The following ZFAT variants were observed in gnomAD, a reference collection of about 807,000 sequenced individuals.
The protein encoded by ZFAT is zinc finger and AT-hook domain containing, also known as zinc finger protein ZFAT.
In ZFAT, 64 loss-of-function variants were observed where a neutral mutation model predicts 117.7. That is an observed-to-expected ratio of 0.54 (90% CI 0.44 to 0.67). ZFAT has a LOEUF of 0.67. Among genes scored for constraint, ZFAT ranks in the 30% least tolerant of loss-of-function variants. The pLI is 0.00. For synonymous variants in ZFAT, 679 were observed against 615.0 expected (o/e 1.10, Z -1.54); for missense variants, 1,433 against 1,584.5 (o/e 0.90, Z 1.62).
At chr8:134,519,771 A>C (rs1820514631) in intron 13 of ZFAT, among the ~76,000 whole-genome samples, 1 of 152,182 alleles carries the variant, frequency 6.6e-6, no homozygotes, top group Non-Finnish European at 1.5e-5. Flanking sequence ...ACTTCTGTGG[A>C]AACACTCTAG....
upstream of ZFAT, among the ~76,000 whole-genome samples, chr8:134,713,382 C>T (rs1814112881): frequency 1.3e-5 from 2 of 152,244 alleles, no homozygotes; most frequent in African/African-American, 4.8e-5. Context: ...CTACCTCTCA[C>T]TACCTAACTT....
At chr8:134,613,183 T>C (rs774301938) in intron 3 of ZFAT, among the ~76,000 whole-genome samples, 2 of 152,194 alleles carry the variant, frequency 1.3e-5, no homozygotes, top group Non-Finnish European at 2.9e-5. Flanking sequence ...GTGGGTGATA[T>C]GCCAGGAACA....
intron 11 of ZFAT, among the ~76,000 whole-genome samples, chr8:134,550,038 T>C (rs1823011340): frequency 6.6e-6 from 1 of 152,148 alleles, no homozygotes; most frequent in South Asian, 2.1e-4. Flanking sequence ...AAAGTAATGT[T>C]GATGTTTACG....
the ZFAT span, among the ~76,000 whole-genome samples, chr8:134,727,266 A>G: frequency 6.6e-6 from 1 of 152,212 alleles, no homozygotes; most frequent in Non-Finnish European, 1.5e-5. Flanking sequence ...AACCTGAGTG[A>G]TAAGAAGGAG....
the ZFAT span, among the ~76,000 whole-genome samples, chr8:134,749,780 A>G: frequency 0.35 from 53,858 of 152,126 alleles, 9,823 homozygotes; most frequent in Admixed American, 0.44. Flanking sequence ...GATCAAGCCC[A>G]TGTATGTGAA....
intron 13 of ZFAT, among the ~76,000 whole-genome samples, chr8:134,519,874 T>G (rs1444549632): frequency 1.3e-5 from 2 of 152,220 alleles, no homozygotes; most frequent in Non-Finnish European, 2.9e-5. Context: ...TTTACTCTTT[T>G]TCATCAGTGA....
At chr8:134,716,221 ATATC>A (rs1563783938), upstream of ZFAT, among the ~76,000 whole-genome samples, 2 of 151,966 alleles carry the variant, frequency 1.3e-5, no homozygotes, top group African/African-American at 2.4e-5. Context: ...ACACACATAT[ATATC>A]TATAAAATGA....
intron 10 of ZFAT, among the ~76,000 whole-genome samples, chr8:134,566,497 C>T (rs1824480847): frequency 6.6e-6 from 1 of 151,902 alleles, no homozygotes; most frequent in Admixed American, 6.6e-5. Flanking sequence ...TACATTTTGC[C>T]TCTGATTAGC....
At chr8:134,582,547 T>G (rs1393862377) in intron 10 of ZFAT, among the ~76,000 whole-genome samples, 1 of 152,284 alleles carries the variant, frequency 6.6e-6, no homozygotes, top group Non-Finnish European at 1.5e-5. Flanking sequence ...AATGCTTTCA[T>G]TATTCAAGTA....
intron 1 of ZFAT, 111 bp downstream of exon 1, chr8:134,712,728 GGCCGGC>G: frequency 7.9e-6 from 7 of 881,800 alleles, no homozygotes; most frequent in Non-Finnish European, 1.1e-5. Context: ...CGCGGCCGGC[GGCCGGC>G]GGCCGGCGGC....
chr8:134,657,635 T>G lies in ZFAT; in HGVS notation c.122A>C (p.Asn41Thr), dbSNP rs1238909735. The G allele has an allele frequency of 2.5e-6, 4 of 1,614,018 alleles. No individual in the cohort carries two copies. In the Admixed American group the frequency reaches 6.7e-5, roughly 27 times the overall value. ...AAGGGGAATAATAATCTCATCAACA[T>G]TAACCCCTTCTTCCATGTGCTTCTC... ...VSEKHMEEGV[N>T]VDEIIIPLRP... The change falls in exon 2 of 16, where the codon AAT becomes ACT. Residue 41 changes from asparagine (N) to threonine (T), a missense_variant. By Grantham distance (65) the Asn-to-Thr change is moderately conservative. Coordinates refer to ENST00000377838, the MANE Select transcript of ZFAT (RefSeq NM_020863.4).
chr8:134,485,184 C>T (rs534100821), intron 15 of ZFAT, among the ~76,000 whole-genome samples: 1 of 152,152 alleles, frequency 6.6e-6, no homozygotes, highest in Non-Finnish European at 1.5e-5. Flanking sequence ...CCCTGGGGGG[C>T]TCTGCCCACC....
chr8:134,661,855 G>A (rs900012914), intron 1 of ZFAT, among the ~76,000 whole-genome samples: 1 of 152,150 alleles, frequency 6.6e-6, no homozygotes, highest in Non-Finnish European at 1.5e-5. Flanking sequence ...TGCCTACTAG[G>A]AGCAGGCAGC....
At chr8:134,640,023 A>C (rs1830492846) in intron 2 of ZFAT, 1 of 337,958 alleles carries the variant, frequency 3.0e-6, no homozygotes, top group Non-Finnish European at 5.8e-6. Context: ...CCTATGTTGT[A>C]GTTGGGAGAG....
chr8:134,807,132 T>C, the ZFAT span, among the ~76,000 whole-genome samples: 1 of 152,252 alleles, frequency 6.6e-6, no homozygotes, highest in Non-Finnish European at 1.5e-5. Context: ...ACAGTGCTAC[T>C]GGTTCAGTAA....
chr8:134,600,006 AC>A (rs1440762135), intron 7 of ZFAT: 1 of 369,616 alleles, frequency 2.7e-6, no homozygotes. Context: ...ATCAACATCT[AC>A]TATGCTCTTA....
chr8:134,733,827 C>T, the ZFAT span, among the ~76,000 whole-genome samples: 1 of 152,232 alleles, frequency 6.6e-6, no homozygotes, highest in Non-Finnish European at 1.5e-5. Context: ...CATTCCTTTC[C>T]CATCATCCAA....
the ZFAT span, chr8:134,765,672 A>T: frequency 1.3e-5 from 2 of 151,692 alleles, no homozygotes; most frequent in Non-Finnish European, 2.9e-5. Flanking sequence ...TAAAATTCCC[A>T]ATACTTTACC....
chr8:134,697,718 C>T (rs1299336903), intron 1 of ZFAT, among the ~76,000 whole-genome samples: 17 of 149,250 alleles, frequency 1.1e-4, no homozygotes, highest in African/African-American at 3.4e-4. Flanking sequence ...CAGAGCGAGA[C>T]TCCATCTCAA....
Sources: gnomAD v4.1 joint callset for allele counts (sites outside exome capture counted in the v4.1 genomes callset) on GRCh38, gnomAD v4.1.1 for gene constraint, MANE v1.5 for transcripts, NCBI Gene and HGNC (gene_info 2026-07-23, HGNC 2026-07-21) for gene names.